NAALADL2: variants seen among roughly 807,000 people sequenced by gnomAD.
The protein encoded by NAALADL2 is N-acetylated alpha-linked acidic dipeptidase like 2.
In NAALADL2, 76 loss-of-function variants were observed where a neutral mutation model predicts 87.2. That is an observed-to-expected ratio of 0.87 (90% CI 0.72 to 1.05). The LOEUF is 1.05. Among genes scored for constraint, NAALADL2 ranks in the 50% least tolerant of loss-of-function variants. The pLI, the probability that NAALADL2 is intolerant of heterozygous loss-of-function variation, is 0.00. For synonymous variants in NAALADL2, 354 were observed against 331.0 expected (o/e 1.07, Z -0.75); for missense variants, 1,089 against 945.8 (o/e 1.15, Z -1.99).
intron 9 of NAALADL2, among the ~76,000 whole-genome samples, chr3:175,547,180 A>T (rs1713479581): frequency 6.6e-6 from 1 of 152,128 alleles, no homozygotes; most frequent in Admixed American, 6.6e-5. Flanking sequence ...ACAGGGTTAT[A>T]GTAACCAAAC....
chr3:175,299,162 G>A (rs1756728442), intron 4 of NAALADL2, among the ~76,000 whole-genome samples: 1 of 152,168 alleles, frequency 6.6e-6, no homozygotes, highest in African/African-American at 2.4e-5. Flanking sequence ...TGCGGTTTTG[G>A]TTACTGTAGC....
rs145491447 is a variant in NAALADL2 at position 175,350,795 on chromosome 3, C to G, written c.1090+26470C>G. The stretch of plus-strand genomic sequence containing the variant: ...TTTATTCCTCTAGTTAACTCAATGG[C>G]CTCTGGGGAAATGTGTTTGTGTGTT... On this transcript the variant is annotated intron_variant, in intron 5 of 13. Coordinates refer to ENST00000454872, the MANE Select transcript of NAALADL2 (RefSeq NM_207015.3). Among the ~76,000 whole-genome samples the G allele has an allele frequency of 3.9e-3, 596 of 152,152 alleles. 2 individuals are homozygous for G. Among genetic ancestry groups the G allele is most frequent in the African/African-American group, 0.014 (577 of 41,518 alleles).
At chr3:175,169,481 G>T (rs2108898506) in intron 2 of NAALADL2, among the ~76,000 whole-genome samples, 1 of 126,864 alleles carries the variant, frequency 7.9e-6, no homozygotes, top group East Asian at 2.7e-4. Flanking sequence ...ATAATCTGTT[G>T]ACATATACAA....
chr3:174,847,393 A>ATAAC (rs1724747933), intron 3 of NAALADL2, among the ~76,000 whole-genome samples: 1 of 152,216 alleles, frequency 6.6e-6, no homozygotes, highest in Admixed American at 6.5e-5. Flanking sequence ...CTAATGCCAT[A>ATAAC]TAACTCATAA....
intron 2 of NAALADL2, among the ~76,000 whole-genome samples, chr3:174,735,932 G>T (rs1337057148): frequency 1.3e-5 from 2 of 152,168 alleles, no homozygotes; most frequent in Non-Finnish European, 2.9e-5. Flanking sequence ...AGGGTGAACA[G>T]AGTGGTGAGG....
intron 3 of NAALADL2, among the ~76,000 whole-genome samples, chr3:174,770,656 C>T (rs955663424): frequency 4.0e-5 from 6 of 151,874 alleles, no homozygotes; most frequent in Non-Finnish European, 8.8e-5. Flanking sequence ...CTGGCTAACA[C>T]GGTGAAAACC....
chr3:175,484,325 TAAAAG>T, intron 9 of NAALADL2, among the ~76,000 whole-genome samples: 2 of 152,268 alleles, frequency 1.3e-5, no homozygotes, highest in South Asian at 4.1e-4. Context: ...AAGTATCTCT[TAAAAG>T]AAATAATTAT....
At chr3:175,495,689 A>G (rs933652092) in intron 9 of NAALADL2, among the ~76,000 whole-genome samples, 7 of 151,728 alleles carry the variant, frequency 4.6e-5, no homozygotes, top group African/African-American at 1.5e-4. Context: ...ATCATTTACC[A>G]CTTACTTCCC....
chr3:175,576,344 A>G (rs1169245054), intron 10 of NAALADL2, among the ~76,000 whole-genome samples, 157 bp downstream of exon 10: 2 of 152,236 alleles, frequency 1.3e-5, no homozygotes, highest in Non-Finnish European at 2.9e-5. Flanking sequence ...AGGCTTTGTA[A>G]TAGTATTTGA....
chr3:175,099,258 G>A (rs1032525301), intron 2 of NAALADL2, among the ~76,000 whole-genome samples: 1 of 152,100 alleles, frequency 6.6e-6, no homozygotes, highest in African/African-American at 2.4e-5. Flanking sequence ...GAAGCTGCAT[G>A]ATGGTAAGGA....
At chr3:175,711,131 A>G (rs1740474904) in intron 11 of NAALADL2, among the ~76,000 whole-genome samples, 1 of 151,914 alleles carries the variant, frequency 6.6e-6, no homozygotes, top group Admixed American at 6.6e-5. Flanking sequence ...GAGAAATGAT[A>G]GAAAGACCAG....
At chr3:174,856,522 G>C (rs1394886756), upstream of NAALADL2, among the ~76,000 whole-genome samples, 2 of 152,112 alleles carry the variant, frequency 1.3e-5, no homozygotes, top group Non-Finnish European at 2.9e-5. Flanking sequence ...TATTCACACT[G>C]TAGGTGCCTG....
rs762088423 is a variant in NAALADL2, at chr3:175,466,985, A to G, written c.1334A>G (p.Tyr445Cys). ...TGTCCCTTTCTATTTTCAGACCGGT[A>G]TATCATAGTTGGCAGCCATCATCAC... Reference protein sequence around the residue: ...FVMGLTSPDRYIIVGSHHHTA... With the variant: ...FVMGLTSPDRCIIVGSHHHTA... Residue 445 changes from tyrosine to cysteine, a missense_variant, in exon 8 of 14, where the codon TAT becomes TGT. By Grantham distance (194) the Tyr-to-Cys change is radical (BLOSUM62 -2). Coordinates refer to ENST00000454872, the MANE Select transcript of NAALADL2 (RefSeq NM_207015.3). 21 of 1,611,882 alleles carry G rather than the reference A, an allele frequency of 1.3e-5. No homozygotes were observed. Among genetic ancestry groups the G allele is most frequent in the East Asian group, 2.2e-5 (1 of 44,874 alleles).
At chr3:175,030,306 G>A (rs1038397055) in intron 1 of NAALADL2, among the ~76,000 whole-genome samples, 6 of 152,060 alleles carry the variant, frequency 3.9e-5, no homozygotes, top group Non-Finnish European at 7.4e-5. Context: ...TTACTTCTGT[G>A]TACAAGTTGC....
In NAALADL2 at chr3:175,016,255, T is replaced by A. The variant is rs141906032; in HGVS notation, c.44-80535T>A. Among the ~76,000 whole-genome samples, 523 of 126,532 alleles carry A rather than the reference T, an allele frequency of 4.1e-3. 2 individuals carry two copies. Among genetic ancestry groups the A allele is most frequent in the African/African-American group, 0.021 (503 of 23,924 alleles). 83.0% of individuals were successfully genotyped at this position (126,532 alleles called of 152,430 possible). On this transcript the variant is annotated intron_variant, in intron 1 of 13. Coordinates refer to ENST00000454872, the MANE Select transcript of NAALADL2 (RefSeq NM_207015.3). ...TTGATTTAGGCCTATCTCAGATAAA[T>A]TATTTATATATATATATATATAAAA...
chr3:175,162,958 C>G (rs1247167021), intron 2 of NAALADL2, among the ~76,000 whole-genome samples: 1 of 151,956 alleles, frequency 6.6e-6, no homozygotes, highest in Non-Finnish European at 1.5e-5. Context: ...ATGAAAAAAG[C>G]CTAGGTGAAG....
intron 13 of NAALADL2, chr3:175,773,294 G>T (rs1359378340): frequency 6.6e-6 from 1 of 152,048 alleles, no homozygotes. Context: ...ACTACAGATG[G>T]TTTGCTGCTG....
At chr3:174,834,497 A>G (rs1723108672) in intron 3 of NAALADL2, among the ~76,000 whole-genome samples, 1 of 152,022 alleles carries the variant, frequency 6.6e-6, no homozygotes, top group African/African-American at 2.4e-5. Flanking sequence ...GAGTTTGAAA[A>G]GAAGCATGTA....
chr3:175,308,956 A>G (rs1758017406), intron 4 of NAALADL2, among the ~76,000 whole-genome samples: 1 of 152,192 alleles, frequency 6.6e-6, no homozygotes, highest in South Asian at 2.1e-4. Flanking sequence ...GCAATAATTC[A>G]TGGTCATGTA....
Sources: allele counts gnomAD v4.1 joint callset (sites outside exome capture counted in the v4.1 genomes callset), GRCh38; gene constraint gnomAD v4.1.1; transcripts MANE v1.5; gene names NCBI Gene and HGNC (gene_info 2026-07-23, HGNC 2026-07-21).